Variants in ACSS3 observed in about 807,000 individuals in gnomAD.
The protein encoded by ACSS3 is acyl-CoA synthetase short chain family member 3.
Under a neutral mutation model 84.2 loss-of-function variants are expected in ACSS3, and 64 were observed. The observed-to-expected ratio is 0.76, with a 90% CI of 0.62 to 0.94. The LOEUF is 0.94. Ranked by LOEUF, ACSS3 falls within the 40% of genes least tolerant of loss-of-function variation. ACSS3 has a pLI of 0.00. For synonymous variants in ACSS3, 317 were observed against 310.1 expected (o/e 1.02, Z -0.23); for missense variants, 815 against 867.6 (o/e 0.94, Z 0.76).
rs185952066 is a variant in ACSS3, at chr12:81,175,574, G to A, written c.1250+635G>A. ...CAGAATATTCATTCTTCTTATCTGC[G>A]TATGAGAAATACTCTAAAATCTACC... On this transcript the variant is annotated intron_variant, in intron 8 of 15. Coordinates refer to ENST00000548058, the MANE Select transcript of ACSS3 (RefSeq NM_024560.4). 3.8e-3 allele frequency among the ~76,000 whole-genome samples: 571 copies of A among 152,110 alleles called. 2 individuals are homozygous for A. The highest frequency in any genetic ancestry group is 0.013 in the African/African-American group (520 of 41,512).
At chr12:81,181,321 G>T (rs1408931431) in intron 8 of ACSS3, among the ~76,000 whole-genome samples, 1 of 152,130 alleles carries the variant, frequency 6.6e-6, no homozygotes, top group Non-Finnish European at 1.5e-5. Flanking sequence ...CTACACCACT[G>T]CACCCACCTA....
At chr12:81,201,876 G>A (rs2032126572) in intron 9 of ACSS3, among the ~76,000 whole-genome samples, 1 of 152,124 alleles carries the variant, frequency 6.6e-6, no homozygotes, top group South Asian at 2.1e-4. Context: ...TTCATTATAG[G>A]TGATGCAGAG....
chr12:81,227,141 A>G (rs2033300252), intron 11 of ACSS3, among the ~76,000 whole-genome samples: 1 of 151,872 alleles, frequency 6.6e-6, no homozygotes, highest in Non-Finnish European at 1.5e-5. Flanking sequence ...TTGAGTCTGA[A>G]GGCAGAACTC....
intron 11 of ACSS3, among the ~76,000 whole-genome samples, chr12:81,227,088 G>T (rs1421015090): frequency 6.6e-6 from 1 of 151,572 alleles, no homozygotes; most frequent in African/African-American, 2.4e-5. Context: ...TATAAAATTT[G>T]CAGGACAGGC....
intron 7 of ACSS3, among the ~76,000 whole-genome samples, chr12:81,161,882 A>G (rs944996513): frequency 5.9e-5 from 9 of 152,282 alleles, no homozygotes; most frequent in African/African-American, 1.9e-4. Flanking sequence ...CAGCTCCAGG[A>G]GCCACTACGG....
chr12:81,164,392 C>G (rs1271963615), intron 7 of ACSS3, among the ~76,000 whole-genome samples: 2 of 152,100 alleles, frequency 1.3e-5, no homozygotes, highest in Non-Finnish European at 2.9e-5. Context: ...CCTAAAGATA[C>G]ATATGTCAGA....
Position 81,136,900 on chromosome 12 carries a change from G to A in ACSS3, c.645+1896G>A, listed in dbSNP as rs559950548. On this transcript the variant is annotated intron_variant, in intron 3 of 15. Transcript: ENST00000548058. ...AGTGGGCAATATGAAGGGGAAAAAG[G>A]ACTCTGGGAAGATTAAGGAAGGAAG... 8.0e-5 allele frequency among the ~76,000 whole-genome samples: 12 copies of A among 150,822 alleles called. No homozygotes were observed. The East Asian group carries it at 2.4e-3, about 30-fold the overall frequency.
chr12:81,163,508 A>G (rs898021424), intron 7 of ACSS3, among the ~76,000 whole-genome samples: 1 of 152,234 alleles, frequency 6.6e-6, no homozygotes. Context: ...TTACTATACT[A>G]TACCTTTTAT....
At chr12:81,243,849 T>A (rs1267738163) in intron 13 of ACSS3, among the ~76,000 whole-genome samples, 1 of 152,152 alleles carries the variant, frequency 6.6e-6, no homozygotes, top group Non-Finnish European at 1.5e-5. Flanking sequence ...CTATTATTAT[T>A]TTGAACAAAC....
chr12:81,221,231 C>A (rs987113765), intron 11 of ACSS3, among the ~76,000 whole-genome samples: 21 of 152,076 alleles, frequency 1.4e-4, no homozygotes, highest in Non-Finnish European at 7.4e-5. Flanking sequence ...TTGCTTTAGT[C>A]CCTCTGATTA....
intron 10 of ACSS3, among the ~76,000 whole-genome samples, chr12:81,217,216 A>G (rs2032952408): frequency 6.6e-6 from 1 of 152,156 alleles, no homozygotes; most frequent in Admixed American, 6.5e-5. Context: ...AAATAATATC[A>G]TTAATAAGGT....
At chr12:81,230,741 G>GT (rs1170361629) in intron 11 of ACSS3, among the ~76,000 whole-genome samples, 6 of 151,752 alleles carry the variant, frequency 4.0e-5, no homozygotes, top group African/African-American at 1.2e-4. Flanking sequence ...TCAATGACAC[G>GT]TTTTTTGGTT....
At chr12:81,223,153 A>ATAC (rs2135954217) in intron 11 of ACSS3, among the ~76,000 whole-genome samples, 1 of 152,180 alleles carries the variant, frequency 6.6e-6, no homozygotes, top group East Asian at 1.9e-4. Context: ...TATTAAAGCC[A>ATAC]TAGGTCTCTG....
chr12:81,102,588 C>T (rs182801125), intron 1 of ACSS3, among the ~76,000 whole-genome samples: 5 of 151,878 alleles, frequency 3.3e-5, no homozygotes, highest in East Asian at 1.9e-4. Flanking sequence ...TTTGGGAGGC[C>T]GAGGCGGGCA....
chr12:81,200,835 G>A (rs575301134), intron 9 of ACSS3, among the ~76,000 whole-genome samples: 75 of 149,482 alleles, frequency 5.0e-4, no homozygotes, highest in African/African-American at 1.8e-3. Flanking sequence ...AGGAGGTTGC[G>A]GTGAGCCAAG....
chr12:81,249,835 G>C (rs1442726671), intron 13 of ACSS3, among the ~76,000 whole-genome samples: 1 of 151,936 alleles, frequency 6.6e-6, no homozygotes, highest in Non-Finnish European at 1.5e-5. Flanking sequence ...ATCTTATGAG[G>C]GTGTTTGATT....
At chr12:81,116,955 G>A (rs1381457562) in intron 2 of ACSS3, among the ~76,000 whole-genome samples, 2 of 152,058 alleles carry the variant, frequency 1.3e-5, no homozygotes, top group Non-Finnish European at 2.9e-5. Context: ...TCTGTGTGCT[G>A]TCTCATTTAA....
chr12:81,248,130 A>G (rs950837686), intron 13 of ACSS3, among the ~76,000 whole-genome samples: 1 of 152,048 alleles, frequency 6.6e-6, no homozygotes, highest in African/African-American at 2.4e-5. Flanking sequence ...TACAGCCGTT[A>G]TGGAAAATAG....
chr12:81,161,443 C>T (rs974557496), intron 7 of ACSS3, among the ~76,000 whole-genome samples: 7 of 152,182 alleles, frequency 4.6e-5, no homozygotes, highest in African/African-American at 1.7e-4. Flanking sequence ...CTCACCATTA[C>T]CAAGCATTTT....
Sources: gnomAD v4.1 joint callset for allele counts (sites outside exome capture counted in the v4.1 genomes callset) on GRCh38, gnomAD v4.1.1 for gene constraint, MANE v1.5 for transcripts, NCBI Gene and HGNC (gene_info 2026-07-23, HGNC 2026-07-21) for gene names.